Variants in SLC24A5 observed in about 807,000 individuals in gnomAD.
SLC24A5 encodes sodium/potassium/calcium exchanger 5.
In SLC24A5, 46 loss-of-function variants were observed where a neutral mutation model predicts 51.6. The ratio of observed to expected loss-of-function variants is 0.89; its 90% CI spans 0.70 to 1.14. The LOEUF (loss-of-function observed/expected upper bound fraction) is 1.14. Ranked by LOEUF, SLC24A5 falls within the 50% of genes most tolerant of loss-of-function variation. SLC24A5 has a pLI of 0.00. For missense variants in SLC24A5, 581 were observed against 604.1 expected (o/e 0.96, Z 0.40); for synonymous variants, 230 against 214.9 (o/e 1.07, Z -0.62).
intron 2 of SLC24A5, among the ~76,000 whole-genome samples, chr15:48,133,893 C>A (rs537767628): frequency 1.3e-5 from 2 of 152,042 alleles, no homozygotes; most frequent in East Asian, 3.9e-4. Flanking sequence ...AAACTAACAT[C>A]TTTTTTTTCT....
At chr15:48,123,815 C>T (rs549872664) in intron 2 of SLC24A5, 7 of 152,200 alleles carry the variant, frequency 4.6e-5, no homozygotes, top group African/African-American at 1.4e-4. Flanking sequence ...AGCATCCATT[C>T]CAGAAAACCA....
intron 2 of SLC24A5, 43 bp from the exon 3 acceptor site, chr15:48,134,215 C>G (rs1042012316): frequency 7.2e-6 from 11 of 1,531,184 alleles, no homozygotes; most frequent in African/African-American, 1.4e-5. Flanking sequence ...AAGACATACT[C>G]TTTCACTTTA....
chr15:48,127,509 C>T (rs977302795), intron 2 of SLC24A5, among the ~76,000 whole-genome samples: 1 of 152,044 alleles, frequency 6.6e-6, no homozygotes, highest in Admixed American at 6.6e-5. Flanking sequence ...TAAAGTATAC[C>T]TTAAATATCT....
chr15:48,134,452 G>T lies in SLC24A5; in HGVS notation c.403G>T (p.Gly135Ter), dbSNP rs1375116194. Residue 135 changes from glycine (G) to a stop codon, truncating the protein, a stop_gained, in exon 4 of 9, where the codon GGA (glycine) becomes TGA (stop). Transcript: ENST00000341459. LOFTEE classifies it high-confidence loss of function. The stretch of plus-strand genomic sequence containing the variant: ...GCACATAGGTGTATTTATCACAAAG[G>T]GAGATATTGGCATTAGCACCATCCT... ...TAFLGVFITK[G>*]DIGISTILGS... is the part of the protein sequence containing the mutation. 1.2e-6 allele frequency: 2 copies of T among 1,613,194 alleles called. No homozygotes were observed. Among genetic ancestry groups the T allele is most frequent in the Non-Finnish European group, 1.7e-6 (2 of 1,179,434 alleles).
At chr15:48,123,640 GTT>G (rs1175587899) in intron 2 of SLC24A5, 1 of 152,076 alleles carries the variant, frequency 6.6e-6, no homozygotes, top group Non-Finnish European at 1.5e-5. Context: ...CATTTGGCCT[GTT>G]TTAAGTTTTT....
chr15:48,121,057 G>A lies in SLC24A5; in HGVS notation c.13G>A (p.Gly5Arg), dbSNP rs924301063. 10 of 1,613,592 alleles carry A rather than the reference G, an allele frequency of 6.2e-6. No individual in the cohort carries two copies. In the African/African-American group the frequency reaches 6.7e-5, roughly 11 times the overall value. The change falls in exon 1 of 9, where the codon GGG (glycine) becomes AGG (arginine). Residue 5 changes from glycine to arginine, a missense_variant. Gly to Arg is a moderately radical substitution (Grantham distance 125, BLOSUM62 -2). Coordinates refer to ENST00000341459, the MANE Select transcript of SLC24A5 (RefSeq NM_205850.3). MQTK[G>R]GQTWARRALL... ...GAGCACAGCAGAAATGCAGACAAAA[G>A]GGGGCCAAACATGGGCGAGAAGGGC...
chr15:48,128,309 G>A (rs1181846943), intron 2 of SLC24A5, among the ~76,000 whole-genome samples: 1 of 152,030 alleles, frequency 6.6e-6, no homozygotes, highest in African/African-American at 2.4e-5. Context: ...CATTCAATTA[G>A]ATATAACCTC....
At chr15:48,125,029 C>T (rs2038716557) in intron 2 of SLC24A5, among the ~76,000 whole-genome samples, 1 of 152,104 alleles carries the variant, frequency 6.6e-6, no homozygotes, top group African/African-American at 2.4e-5. Context: ...AAACAATTTT[C>T]CTGAAATTTC....
chr15:48,130,785 G>C (rs1354453376), intron 2 of SLC24A5, among the ~76,000 whole-genome samples: 5 of 152,028 alleles, frequency 3.3e-5, no homozygotes, highest in Admixed American at 2.6e-4. Context: ...TTTCCACCAG[G>C]AAAGAATAGA....
At chr15:48,126,214 C>T (rs571735601) in intron 2 of SLC24A5, among the ~76,000 whole-genome samples, 42 of 152,280 alleles carry the variant, frequency 2.8e-4, no homozygotes, top group African/African-American at 9.1e-4. Flanking sequence ...CTCTCCTCTA[C>T]CCTCGAACAC....
intron 8 of SLC24A5, chr15:48,141,665 A>C (rs1157735208): frequency 1.2e-5 from 2 of 169,840 alleles, no homozygotes; most frequent in African/African-American, 4.8e-5. Context: ...CCAGAGGAAA[A>C]GTTTACTATT....
Position 48,134,420 on chromosome 15 carries a change from C to G in SLC24A5, c.386-15C>G. On this transcript the variant is annotated splice_polypyrimidine_tract_variant and intron_variant, in intron 3 of 8. Transcript: ENST00000341459. Reference sequence around the variant, plus strand: ...CAAGTTAACACTAACTTAGCTGGTACTATCTTGCACATAGGTGTATTTATC... The same window carrying G: ...CAAGTTAACACTAACTTAGCTGGTAGTATCTTGCACATAGGTGTATTTATC... 1.2e-6 allele frequency: 2 copies of G among 1,609,416 alleles called. No homozygotes were observed. The highest frequency in any genetic ancestry group is 1.7e-6 in the Non-Finnish European group (2 of 1,175,954).
intron 2 of SLC24A5, among the ~76,000 whole-genome samples, chr15:48,128,043 C>T (rs1204882071): frequency 6.6e-6 from 1 of 151,088 alleles, no homozygotes; most frequent in Non-Finnish European, 1.5e-5. Flanking sequence ...CAAATAGGAC[C>T]AGTATGTCTA....
rs373302207 is a variant in SLC24A5 at position 48,142,363 on chromosome 15, G to C, written c.*12G>C. On this transcript the variant is annotated 3_prime_UTR_variant, in exon 9 of 9. Coordinates refer to ENST00000341459, the MANE Select transcript of SLC24A5 (RefSeq NM_205850.3). ...GCTGTGGAGGTTGATATTATTAATA[G>C]TGTTATGCAGAAAATATGAATGGCA... 1.5e-4 allele frequency: 230 copies of C among 1,497,998 alleles called. No homozygotes were observed. The highest frequency in any genetic ancestry group is 2.0e-4 in the Non-Finnish European group (220 of 1,108,488). 92.8% of individuals were successfully genotyped at this position (1,497,998 alleles called of 1,614,324 possible). A position where few individuals can be genotyped will look rare whatever the true frequency, so the allele number is the denominator to read the frequency against.
chr15:48,122,287 G>A lies in SLC24A5; in HGVS notation c.301+251G>A, dbSNP rs1197925731. On this transcript the variant is annotated intron_variant, in intron 2 of 8. Transcript: ENST00000341459. ...TTCTGCCTATTTCCAGAAATCTCTA[G>A]TTTGTCTACTGCCTGGATGTTTGTT... 1.0e-5 allele frequency: 6 copies of A among 590,132 alleles called. No individual in the cohort carries two copies. In the East Asian group the frequency reaches 1.7e-4, roughly 16 times the overall value. The allele number at this position is 590,132 out of a possible 1,614,324, so 36.6% of individuals were successfully genotyped here.
intron 2 of SLC24A5, among the ~76,000 whole-genome samples, chr15:48,128,563 T>C (rs1208042664): frequency 6.6e-6 from 1 of 152,226 alleles, no homozygotes. Flanking sequence ...CAAATAATTC[T>C]GTGAGTATGG....
intron 2 of SLC24A5, among the ~76,000 whole-genome samples, chr15:48,133,235 G>C (rs1296155447): frequency 6.6e-6 from 1 of 152,100 alleles, no homozygotes; most frequent in African/African-American, 2.4e-5. Flanking sequence ...CCAAATTCTA[G>C]TTCTGACTTC....
chr15:48,136,051 G>A (rs1285615801), intron 5 of SLC24A5: 2 of 152,172 alleles, frequency 1.3e-5, no homozygotes, highest in African/African-American at 4.8e-5. Context: ...AACTGCCAGA[G>A]TACAGGGAAA....
Position 48,121,073 on chromosome 15 carries a change from C to T in SLC24A5, c.29C>T (p.Ala10Val), listed in dbSNP as rs189224179. The change falls in exon 1 of 9, where the codon GCG (alanine) becomes GTG (valine). Residue 10 changes from alanine (A) to valine (V), a missense_variant. Coordinates refer to ENST00000341459, the MANE Select transcript of SLC24A5 (RefSeq NM_205850.3). ...CAGACAAAAGGGGGCCAAACATGGG[C>T]GAGAAGGGCTCTGTTGCTCGGCATC... Reference protein sequence around the residue: MQTKGGQTWARRALLLGILW... With the variant: MQTKGGQTWVRRALLLGILW... 65 of 1,613,856 alleles carry T rather than the reference C, an allele frequency of 4.0e-5. No individual in the cohort carries two copies. The highest frequency in any genetic ancestry group is 2.9e-4 in the East Asian group (13 of 44,826).
Sources: allele counts gnomAD v4.1 joint callset (sites outside exome capture counted in the v4.1 genomes callset), GRCh38; gene constraint gnomAD v4.1.1; transcripts MANE v1.5; gene names NCBI Gene and HGNC (gene_info 2026-07-23, HGNC 2026-07-21).